The following C7 variants were observed in gnomAD, a reference collection of about 807,000 sequenced individuals.
The protein encoded by C7 is complement C7.
Under a neutral mutation model 104.8 loss-of-function variants are expected in C7, and 83 were observed. That is an observed-to-expected ratio of 0.79 (90% CI 0.66 to 0.95). C7 has a LOEUF of 0.95. C7 is among the 40% of genes least tolerant of loss of function. The pLI, the probability that C7 is intolerant of heterozygous loss-of-function variation, is 0.00. For missense variants in C7, 1,070 were observed against 1,011.2 expected (o/e 1.06, Z -0.79); for synonymous variants, 415 against 360.6 (o/e 1.15, Z -1.71).
chr5:40,925,583 C>T lies in C7; in HGVS notation c.7-2997C>T, dbSNP rs531144210. On this transcript the variant is annotated intron_variant, in intron 1 of 17. Transcript: ENST00000313164. ...GTTAGGTATCTTTATAGCAATGCCC[C>T]AATTCTCAGTACCAATTTTCTGTGT... is the stretch of plus-strand genomic sequence containing the variant. Among the ~76,000 whole-genome samples, 3 of 152,278 alleles carry T rather than the reference C, an allele frequency of 2.0e-5. No homozygotes were observed. The South Asian group carries it at 6.2e-4, about 32-fold the overall frequency.
chr5:40,942,730 T>A (rs1302542802), intron 6 of C7, among the ~76,000 whole-genome samples: 1 of 151,550 alleles, frequency 6.6e-6, no homozygotes, highest in Non-Finnish European at 1.5e-5. Context: ...GGATTTGTAG[T>A]GGCACCAATC....
chr5:40,963,903 T>A (rs1025431660), intron 13 of C7, among the ~76,000 whole-genome samples: 1 of 152,030 alleles, frequency 6.6e-6, no homozygotes, highest in African/African-American at 2.4e-5. Flanking sequence ...CCCTAAAAGT[T>A]ATCAGCAAGA....
intron 17 of C7, 103 bp downstream of exon 17, chr5:40,980,012 T>G: frequency 2.0e-6 from 2 of 1,005,210 alleles, no homozygotes; most frequent in Non-Finnish European, 2.8e-6. Flanking sequence ...AAGAAGATAC[T>G]TGAGGATGTT....
At chr5:40,969,434 C>G (rs1450663) in intron 14 of C7, among the ~76,000 whole-genome samples, 66,060 of 151,848 alleles carry the variant, frequency 0.44, 14,972 homozygotes, top group African/African-American at 0.57. Context: ...TTGGTCAATT[C>G]TTGTCTTTTT....
intron 9 of C7, among the ~76,000 whole-genome samples, chr5:40,953,995 AC>A (rs1579861066): frequency 1.1e-5 from 1 of 93,660 alleles, no homozygotes; most frequent in East Asian, 3.1e-4. Context: ...GGAAATGAAA[AC>A]CACTCAAAAT....
intron 11 of C7, among the ~76,000 whole-genome samples, chr5:40,958,767 A>G (rs1168083328): frequency 6.6e-6 from 1 of 152,220 alleles, no homozygotes; most frequent in Non-Finnish European, 1.5e-5. Context: ...ATGAGTAGTC[A>G]AAGTATGACT....
intron 10 of C7, among the ~76,000 whole-genome samples, chr5:40,955,820 C>A (rs1046539858): frequency 3.3e-5 from 5 of 152,070 alleles, no homozygotes; most frequent in Non-Finnish European, 7.4e-5. Flanking sequence ...AACTTTTGAT[C>A]TAAGTTCGAT....
chr5:40,926,331 TA>T (rs1489931300), intron 1 of C7, among the ~76,000 whole-genome samples: 1 of 151,088 alleles, frequency 6.6e-6, no homozygotes, highest in African/African-American at 2.5e-5. Context: ...GAAAGCCTTT[TA>T]TTTAAGCTCT....
At chr5:40,967,765 C>A in intron 14 of C7, 1 of 171,658 alleles carries the variant, frequency 5.8e-6, no homozygotes, top group Non-Finnish European at 1.2e-5. Flanking sequence ...AAACCCCATC[C>A]TGTGGGACAG....
At position 40,972,496 on chromosome 5, in the gene C7, G is replaced by C. The variant is rs759506502; in HGVS notation, c.1976G>C (p.Cys659Ser). The change falls in exon 15 of 18, where the codon TGT (cysteine) becomes TCT (serine). Residue 659 changes from cysteine to serine, a missense_variant. Physicochemically the swap from Cys to Ser is moderately radical, Grantham distance 112. Transcript: ENST00000313164. ...GTTGGTGAGAAGGTGACTGTTTCCT[G>C]TTCAGGTGGCATGTCCTTAGAAGGT... is the stretch of plus-strand genomic sequence containing the variant. The part of the protein sequence containing the change: ...YTVGEKVTVS[C>S]SGGMSLEGPS... 9.3e-6 allele frequency: 15 copies of C among 1,613,672 alleles called. No homozygotes were observed. The highest frequency in any genetic ancestry group is 1.3e-5 in the Non-Finnish European group (15 of 1,179,754).
chr5:40,933,289 A>G (rs529077252), intron 3 of C7, among the ~76,000 whole-genome samples: 1 of 152,250 alleles, frequency 6.6e-6, no homozygotes, highest in South Asian at 2.1e-4. Context: ...CGACATTGAT[A>G]TGTACAGCAA....
chr5:40,914,930 C>T (rs1030415920), intron 1 of C7, among the ~76,000 whole-genome samples: 1 of 152,096 alleles, frequency 6.6e-6, no homozygotes, highest in Non-Finnish European at 1.5e-5. Context: ...GATCCCATGG[C>T]CCGCATATGG....
At chr5:40,957,838 A>C (rs1740327696) in intron 10 of C7, among the ~76,000 whole-genome samples, 195 bp from the exon 11 acceptor site, 1 of 150,616 alleles carries the variant, frequency 6.6e-6, no homozygotes. Flanking sequence ...TGTGACCCTA[A>C]TTTTCCCTAA....
intron 6 of C7, among the ~76,000 whole-genome samples, chr5:40,940,890 C>T (rs138850216): frequency 6.6e-6 from 1 of 152,186 alleles, no homozygotes; most frequent in Non-Finnish European, 1.5e-5. Flanking sequence ...AGTCTGGCTC[C>T]AAACCCCCTC....
intron 8 of C7, among the ~76,000 whole-genome samples, chr5:40,949,421 G>C (rs1402642223): frequency 2.0e-5 from 3 of 151,476 alleles, no homozygotes; most frequent in Admixed American, 2.0e-4. Flanking sequence ...ACATTCTAAG[G>C]GTATAAGTCA....
chr5:40,976,502 G>A (rs148198509), intron 15 of C7, among the ~76,000 whole-genome samples: 1 of 152,320 alleles, frequency 6.6e-6, no homozygotes, highest in East Asian at 1.9e-4. Flanking sequence ...TATAAAAAGT[G>A]CATGACAAAT....
Position 40,976,949 on chromosome 5 carries a change from G to C in C7, c.2165+109G>C, listed in dbSNP as rs940733935. On this transcript the variant is annotated intron_variant, in intron 16 of 17. Coordinates refer to ENST00000313164, the MANE Select transcript of C7 (RefSeq NM_000587.4). ...GAAGGTGTAGCTTACCAAGAGTTAA[G>C]GGTCTTTGTTTGCATTTCGATGTAG... 4.1e-5 allele frequency: 35 copies of C among 843,536 alleles called. No homozygotes were observed. The East Asian group carries it at 9.7e-4, about 23-fold the overall frequency. 52.3% of individuals were successfully genotyped at this position (843,536 alleles called of 1,614,324 possible). A position where few individuals can be genotyped will look rare whatever the true frequency, so the allele number is the denominator to read the frequency against.
At chr5:40,949,877 A>T in intron 8 of C7, 27 bp from the exon 9 acceptor site, 1 of 1,367,306 alleles carries the variant, frequency 7.3e-7, no homozygotes, top group Non-Finnish European at 1.0e-6. Flanking sequence ...GAAATTAAAC[A>T]TGTCTCTTTT....
intron 6 of C7, 104 bp from the exon 7 acceptor site, chr5:40,945,094 C>T: frequency 1.6e-6 from 1 of 639,066 alleles, no homozygotes; most frequent in Non-Finnish European, 2.7e-6. Flanking sequence ...TGCTTTGTGC[C>T]AATGAAGAGC....
Sources: allele counts gnomAD v4.1 joint callset (sites outside exome capture counted in the v4.1 genomes callset), GRCh38; gene constraint gnomAD v4.1.1; transcripts MANE v1.5; gene names NCBI Gene and HGNC (gene_info 2026-07-23, HGNC 2026-07-21).